Variants in PAK3 observed in about 807,000 individuals in gnomAD.
PAK3 encodes the protein p21 (RAC1) activated kinase 3.
In PAK3, 4 loss-of-function variants were observed where a neutral mutation model predicts 41.0. The ratio of observed to expected loss-of-function variants is 0.10; its 90% confidence interval spans 0.05 to 0.22. The LOEUF (loss-of-function observed/expected upper bound fraction) is 0.22, where lower values mean the gene tolerates loss of function less well. Ranked by LOEUF, PAK3 falls within the 10% of genes least tolerant of loss-of-function variation. PAK3 has a pLI of 1.00. For missense variants in PAK3, 205 were observed against 409.9 expected (o/e 0.50, Z 4.32); for synonymous variants, 146 against 139.6 (o/e 1.05, Z -0.32).
chrX:111,132,052 G>T, intron 5 of PAK3, among the ~76,000 whole-genome samples: 1 of 110,464 alleles, frequency 9.1e-6, no homozygotes, highest in Middle Eastern at 4.6e-3. Flanking sequence ...AGACAGTAAG[G>T]CATTTCATTT....
intron 1 of PAK3, among the ~76,000 whole-genome samples, chrX:110,977,857 A>G (rs1341803471): frequency 2.7e-5 from 3 of 111,785 alleles, no homozygotes; most frequent in Non-Finnish European, 5.6e-5. Flanking sequence ...AGATTATTTA[A>G]ATTCTTTCTT....
At chrX:111,137,862 T>A (rs1161612233) in intron 5 of PAK3, among the ~76,000 whole-genome samples, 1 of 111,610 alleles carries the variant, frequency 9.0e-6, no homozygotes, top group Non-Finnish European at 1.9e-5. Context: ...GGACTTCTGC[T>A]CTCTGCAAAT....
At chrX:111,036,123 T>C (rs941379256) in intron 1 of PAK3, among the ~76,000 whole-genome samples, 1 of 111,808 alleles carries the variant, frequency 8.9e-6, no homozygotes, top group Non-Finnish European at 1.9e-5. Flanking sequence ...GCAGGGGGCT[T>C]GTTGAACACA....
chrX:111,185,350 G>T (rs2094499652), intron 11 of PAK3, among the ~76,000 whole-genome samples: 2 of 111,397 alleles, frequency 1.8e-5, no homozygotes, highest in Non-Finnish European at 3.8e-5. Context: ...TAGGTTGCTT[G>T]TTGACTCTGA....
In PAK3 at chrX:111,220,567, A is replaced by T. The variant is rs1196386097; in HGVS notation, c.*120A>T. 1.9e-6 allele frequency: 1 copy of T among 523,240 alleles called. No homozygotes were observed. 43.1% of individuals were successfully genotyped at this position (523,240 alleles called of 1,213,427 possible). On this transcript the variant is annotated 3_prime_UTR_variant, in exon 18 of 18. Coordinates refer to ENST00000372007, the MANE Select transcript of PAK3 (RefSeq NM_002578.5). ...GTGGGGGTTCTTTACCTTTCAAATG[A>T]ATAGAAACTTCTTATAAGCCTTTTT...
At chrX:110,988,847 C>T (rs980103213) in intron 1 of PAK3, among the ~76,000 whole-genome samples, 2 of 111,806 alleles carry the variant, frequency 1.8e-5, no homozygotes, top group South Asian at 3.8e-4. Context: ...CCCCATTAGA[C>T]GGAAAATGCA....
intron 16 of PAK3, among the ~76,000 whole-genome samples, chrX:111,201,178 TA>T (rs2094678847): frequency 8.9e-6 from 1 of 112,519 alleles, no homozygotes; most frequent in Admixed American, 9.4e-5. Flanking sequence ...AACAAGCCCA[TA>T]CAGAGCTAGC....
chrX:111,075,358 C>T (rs1252152867), intron 1 of PAK3, among the ~76,000 whole-genome samples: 2 of 112,534 alleles, frequency 1.8e-5, no homozygotes, highest in Non-Finnish European at 3.8e-5. Context: ...CCCGTGACAC[C>T]TCAGGAGGCT....
chrX:111,189,885 G>A (rs1167385956), intron 11 of PAK3, among the ~76,000 whole-genome samples: 1 of 111,856 alleles, frequency 8.9e-6, no homozygotes. Context: ...ATGTTTGTTC[G>A]CTTATTCCAA....
intron 3 of PAK3, among the ~76,000 whole-genome samples, chrX:111,100,792 C>A (rs1008983717): frequency 3.6e-5 from 4 of 111,315 alleles, no homozygotes; most frequent in Admixed American, 2.8e-4. Context: ...AGTTGGAATG[C>A]AGCAAGGTGG....
At chrX:111,165,463 C>G (rs185504089) in intron 10 of PAK3, among the ~76,000 whole-genome samples, 42 of 111,895 alleles carry the variant, frequency 3.8e-4, no homozygotes, top group Middle Eastern at 9.2e-3. Context: ...ACCAAGTCAC[C>G]AAACCAATGT....
chrX:111,130,723 C>A (rs2093705450), intron 5 of PAK3, among the ~76,000 whole-genome samples: 1 of 112,001 alleles, frequency 8.9e-6, no homozygotes, highest in African/African-American at 3.2e-5. Flanking sequence ...AAGGATATCA[C>A]TCATAAGATG....
At chrX:111,049,038 C>T (rs1426584879) in intron 1 of PAK3, among the ~76,000 whole-genome samples, 2 of 111,748 alleles carry the variant, frequency 1.8e-5, no homozygotes, top group Non-Finnish European at 3.8e-5. Flanking sequence ...GCCACACTCC[C>T]TCTTGCTCAC....
chrX:111,222,307 A>G lies in PAK3; in HGVS notation c.*1860A>G, dbSNP rs2094931951. ...AGCACTTTCTTTAGAGTTTCAGCAA[A>G]CTATATAGTGTACGTGTTTATGTTC... On this transcript the variant is annotated 3_prime_UTR_variant, in exon 18 of 18. Coordinates refer to ENST00000372007, the MANE Select transcript of PAK3 (RefSeq NM_002578.5). The G allele has an allele frequency of 9.0e-6, 1 of 111,448 alleles. No homozygotes were observed. Among genetic ancestry groups the G allele is most frequent in the Admixed American group, 9.6e-5 (1 of 10,470 alleles). The allele number at this position is 111,448 out of a possible 1,213,427, so 9.2% of individuals were successfully genotyped here.
intron 17 of PAK3, among the ~76,000 whole-genome samples, chrX:111,219,240 AAG>A (rs2094908821): frequency 9.3e-6 from 1 of 106,980 alleles, no homozygotes; most frequent in Non-Finnish European, 1.9e-5. Flanking sequence ...AATAATAAGC[AAG>A]AGATAAATGT....
intron 4 of PAK3, among the ~76,000 whole-genome samples, chrX:111,115,669 G>T (rs1292133344): frequency 8.9e-6 from 1 of 112,241 alleles, no homozygotes; most frequent in African/African-American, 3.2e-5. Flanking sequence ...GCAAAAACTT[G>T]AGGAAGTGTT....
chrX:110,954,221 G>A (rs2090804787), intron 1 of PAK3, among the ~76,000 whole-genome samples: 1 of 112,103 alleles, frequency 8.9e-6, no homozygotes, highest in Admixed American at 9.4e-5. Context: ...GGGAGTAGTT[G>A]GAGCTAGGGA....
chrX:111,025,416 A>C (rs2092255379), intron 1 of PAK3, among the ~76,000 whole-genome samples: 1 of 112,142 alleles, frequency 8.9e-6, no homozygotes, highest in African/African-American at 3.2e-5. Context: ...AGAAAATAAG[A>C]GAGAAGATCC....
In PAK3 at chrX:111,194,195, A is replaced by G. The variant is rs1479185367; in HGVS notation, c.993-106A>G. On this transcript the variant is annotated intron_variant, in intron 13 of 17. Coordinates refer to ENST00000372007, the MANE Select transcript of PAK3 (RefSeq NM_002578.5). ...CAATACCTTCTCAAAGGTAATGGGC[A>G]TAGCACAACTCAGAGTTGACTTCTA... The G allele has an allele frequency of 1.5e-5, 9 of 580,866 alleles. No individual in the cohort carries two copies. The East Asian group carries it at 2.9e-4, about 19-fold the overall frequency. 47.9% of individuals were successfully genotyped at this position (580,866 alleles called of 1,213,427 possible).
Sources: allele counts gnomAD v4.1 joint callset (sites outside exome capture counted in the v4.1 genomes callset), GRCh38; gene constraint gnomAD v4.1.1; transcripts MANE v1.5; gene names NCBI Gene and HGNC (gene_info 2026-07-23, HGNC 2026-07-21).